The following TFDP2 variants were observed in gnomAD, a reference collection of about 807,000 sequenced individuals.
The protein encoded by TFDP2 is transcription factor Dp-2.
Under a neutral mutation model 59.3 loss-of-function variants are expected in TFDP2, and 17 were observed. The ratio of observed to expected loss-of-function variants is 0.29; its 90% CI spans 0.20 to 0.43. The LOEUF is 0.43. Ranked by LOEUF, TFDP2 falls within the 20% of genes least tolerant of loss-of-function variation. The pLI, the probability that TFDP2 is intolerant of heterozygous loss-of-function variation, is 1.00. For synonymous variants in TFDP2, 180 were observed against 194.7 expected, an observed-to-expected ratio of 0.92 and a Z score of 0.63; for missense variants, 391 against 528.8, an observed-to-expected ratio of 0.74 and a Z score of 2.56.
intron 11 of TFDP2, among the ~76,000 whole-genome samples, chr3:141,957,678 T>A (rs1559916472): frequency 6.6e-6 from 1 of 152,178 alleles, no homozygotes; most frequent in African/African-American, 2.4e-5. Flanking sequence ...TGAACGAACC[T>A]TGAAACACTA....
At chr3:141,973,111 ATATATATATATATTTTT>A (rs959409809) in intron 8 of TFDP2, among the ~76,000 whole-genome samples, 15 of 108,854 alleles carry the variant, frequency 1.4e-4, no homozygotes, top group African/African-American at 5.1e-4. Flanking sequence ...ATATATATAT[ATATATATATATATTTTT>A]TTTTTTTAAA....
chr3:142,043,698 G>A, intron 3 of TFDP2: 3 of 1,096,634 alleles, frequency 2.7e-6, no homozygotes, highest in Non-Finnish European at 2.8e-6. Flanking sequence ...GTTCTTCACC[G>A]TGCTTGCGTG....
chr3:142,148,119 G>GA (rs397969650), intron 1 of TFDP2, among the ~76,000 whole-genome samples: 29,504 of 135,360 alleles, frequency 0.22, 3,458 homozygotes, highest in African/African-American at 0.32. Flanking sequence ...ACATGGCCCA[G>GA]AAAAAAAAAA....
At chr3:142,139,639 T>A (rs2062863494) in intron 1 of TFDP2, among the ~76,000 whole-genome samples, 1 of 152,230 alleles carries the variant, frequency 6.6e-6, no homozygotes, top group South Asian at 2.1e-4. Flanking sequence ...TTAGTTTGGC[T>A]GGATATGAGA....
At chr3:142,042,563 GC>G (rs1254296811) in intron 3 of TFDP2, among the ~76,000 whole-genome samples, 2 of 151,096 alleles carry the variant, frequency 1.3e-5, no homozygotes, top group African/African-American at 2.4e-5. Flanking sequence ...CTCCCAAAGT[GC>G]TGGGATTACA....
chr3:141,965,374 G>A (rs1937808423), intron 9 of TFDP2, among the ~76,000 whole-genome samples: 2 of 151,660 alleles, frequency 1.3e-5, no homozygotes, highest in South Asian at 4.2e-4. Flanking sequence ...GCTCACACCT[G>A]TAATCTCAGC....
intron 7 of TFDP2, among the ~76,000 whole-genome samples, chr3:141,975,015 G>A (rs1183039933): frequency 6.9e-6 from 1 of 145,644 alleles, no homozygotes; most frequent in East Asian, 2.1e-4. Flanking sequence ...CCGGGTTCAA[G>A]CGATTCTTCT....
intron 3 of TFDP2, among the ~76,000 whole-genome samples, chr3:142,027,459 AG>A (rs1232995436): frequency 6.6e-6 from 1 of 151,994 alleles, no homozygotes; most frequent in Non-Finnish European, 1.5e-5. Context: ...AACTGAAAGA[AG>A]AAAGACTCTC....
chr3:142,003,692 G>A (rs921711901), intron 4 of TFDP2, among the ~76,000 whole-genome samples: 2 of 152,220 alleles, frequency 1.3e-5, no homozygotes, highest in Non-Finnish European at 2.9e-5. Context: ...TACTTGGGAT[G>A]GCCCAGTTGA....
chr3:142,141,491 G>A (rs548560569), intron 1 of TFDP2, among the ~76,000 whole-genome samples: 120 of 152,170 alleles, frequency 7.9e-4, no homozygotes, highest in African/African-American at 2.2e-3. Context: ...GTTCCTATTC[G>A]GCCATCTTGA....
intron 3 of TFDP2, among the ~76,000 whole-genome samples, chr3:142,047,206 T>A (rs919376199): frequency 6.6e-6 from 1 of 152,188 alleles, no homozygotes; most frequent in Non-Finnish European, 1.5e-5. Flanking sequence ...AGAACTTTTA[T>A]CTGAGGAATG....
At chr3:142,058,278 A>G (rs2108507731) in intron 3 of TFDP2, among the ~76,000 whole-genome samples, 1 of 152,170 alleles carries the variant, frequency 6.6e-6, no homozygotes, top group South Asian at 2.1e-4. Flanking sequence ...CCTAATAATG[A>G]ACTGTTTTTA....
At chr3:141,998,914 G>GA (rs1943526686) in intron 4 of TFDP2, among the ~76,000 whole-genome samples, 1 of 151,766 alleles carries the variant, frequency 6.6e-6, no homozygotes, top group Non-Finnish European at 1.5e-5. Context: ...ATTCTAAAGG[G>GA]AAAAAAAATT....
intron 4 of TFDP2, among the ~76,000 whole-genome samples, chr3:141,998,367 A>G (rs1943470417): frequency 6.6e-6 from 1 of 152,092 alleles, no homozygotes; most frequent in African/African-American, 2.4e-5. Flanking sequence ...GCACTTTGGG[A>G]GCCTAAGGCA....
At chr3:141,958,115 T>C (rs989715146) in intron 11 of TFDP2, among the ~76,000 whole-genome samples, 2 of 152,172 alleles carry the variant, frequency 1.3e-5, no homozygotes, top group African/African-American at 4.8e-5. Context: ...CTAGTAAAGC[T>C]GAAGATGTAC....
chr3:142,065,509 G>GTGTGT (rs2060045738), intron 3 of TFDP2, among the ~76,000 whole-genome samples: 7 of 148,254 alleles, frequency 4.7e-5, no homozygotes, highest in Non-Finnish European at 1.0e-4. Flanking sequence ...TGTGTGTGTG[G>GTGTGT]GTGTGTGTGT....
At chr3:142,068,172 T>A (rs2060133092) in intron 3 of TFDP2, among the ~76,000 whole-genome samples, 1 of 152,076 alleles carries the variant, frequency 6.6e-6, no homozygotes, top group Admixed American at 6.6e-5. Context: ...GGCAATTTAA[T>A]GGAGAAAAGA....
At chr3:141,962,185 C>T (rs985990922) in intron 10 of TFDP2, among the ~76,000 whole-genome samples, 7 of 151,758 alleles carry the variant, frequency 4.6e-5, no homozygotes, top group Non-Finnish European at 1.0e-4. Context: ...CACAGGTGAT[C>T]TGCCTGCCTT....
In TFDP2 at chr3:141,995,122, C is replaced by A; in HGVS notation, c.206G>T (p.Arg69Ile). ...GPQMIISTPQ[R>I]LTSSGSVLIG... ...CAGAACACTTCCTGAACTGGTTAGT[C>A]TCTGTGGTGTGCTTATAATCTGTAA... is the stretch of plus-strand genomic sequence containing the variant. Residue 69 changes from arginine to isoleucine, a missense_variant, in exon 5 of 13, where the codon AGA becomes ATA. Arg to Ile is a moderately conservative substitution (Grantham distance 97). This residue lies in a region of TFDP2 where 162 missense variants were observed against 206.8 expected (regional missense o/e 0.78). Transcript: ENST00000489671. 2 of 1,602,346 alleles carry A rather than the reference C, an allele frequency of 1.2e-6. No homozygotes were observed. Among genetic ancestry groups the A allele is most frequent in the South Asian group, 1.1e-5 (1 of 88,062 alleles).
Sources: allele counts gnomAD v4.1 joint callset (sites outside exome capture counted in the v4.1 genomes callset), GRCh38; gene constraint gnomAD v4.1.1; regional missense constraint gnomAD v4.1.1; transcripts MANE v1.5; gene names NCBI Gene and HGNC (gene_info 2026-07-23, HGNC 2026-07-21).